The following SMYD3 variants were observed in gnomAD, a reference collection of about 807,000 sequenced individuals.
SMYD3 encodes the protein histone-lysine N-methyltransferase SMYD3.
SMYD3 carries 36 observed loss-of-function variants against 57.7 expected under a neutral mutation model. The observed-to-expected ratio is 0.62, with a 90% CI of 0.48 to 0.82. The LOEUF (loss-of-function observed/expected upper bound fraction) is 0.82, where lower values mean the gene tolerates loss of function less well. Among genes scored for constraint, SMYD3 ranks in the 40% least tolerant of loss-of-function variants. The pLI is 0.00. For missense variants in SMYD3, 515 were observed against 538.8 expected, an observed-to-expected ratio of 0.96 and a Z score of 0.44; for synonymous variants, 211 against 195.0, an observed-to-expected ratio of 1.08 and a Z score of -0.68.
At chr1:245,816,695 C>A (rs537676528) in intron 10 of SMYD3, among the ~76,000 whole-genome samples, 2 of 152,070 alleles carry the variant, frequency 1.3e-5, no homozygotes, top group Non-Finnish European at 2.9e-5. Context: ...GTGCGCGCAC[C>A]GTGCGCGAGC....
chr1:246,066,074 C>T lies in SMYD3; in HGVS notation c.532-136137G>A, dbSNP rs183960010. The stretch of plus-strand genomic sequence containing the variant: ...AAGAGAACATAGAAGAAGGACAGTA[C>T]ATGCAGAGTTTTAAAAACCTTAAGG... On this transcript the variant is annotated intron_variant, in intron 5 of 11. Transcript: ENST00000490107. 2.0e-5 allele frequency among the ~76,000 whole-genome samples: 3 copies of T among 152,290 alleles called. 1 individual carries two copies. The East Asian group carries it at 5.8e-4, about 29-fold the overall frequency.
At position 246,468,628 on chromosome 1, in the gene SMYD3, G is replaced by A. The variant is rs374997119; in HGVS notation, c.164+38426C>T. ...TGCACTCCAGCCTGGGTGACAGAGTGAGACTCTGTCTCCAAAAAAAGGAAA... is the reference window on the plus strand; with the variant it reads ...TGCACTCCAGCCTGGGTGACAGAGTAAGACTCTGTCTCCAAAAAAAGGAAA... On this transcript the variant is annotated intron_variant, in intron 1 of 11. Transcript: ENST00000490107. Among the ~76,000 whole-genome samples the A allele has an allele frequency of 4.6e-5, 7 of 151,832 alleles. 1 individual carries two copies. Among genetic ancestry groups the A allele is most frequent in the East Asian group, 1.9e-4 (1 of 5,172 alleles).
intron 9 of SMYD3, among the ~76,000 whole-genome samples, chr1:245,862,288 GCAGCC>G (rs1322402650): frequency 1.4e-5 from 2 of 143,640 alleles, no homozygotes. Context: ...CAATATTAAT[GCAGCC>G]CAAGATCACA....
At position 246,128,171 on chromosome 1, in the gene SMYD3, C is replaced by T. The variant is rs568255704; in HGVS notation, c.532-198234G>A. The stretch of plus-strand genomic sequence containing the variant: ...CACTGTTGAAATGTTGTCTTCTCCA[C>T]GAGGCCTAATGTGACTTTCTATGTA... On this transcript the variant is annotated intron_variant, in intron 5 of 11. Coordinates refer to ENST00000490107, the MANE Select transcript of SMYD3 (RefSeq NM_001167740.2). Among the ~76,000 whole-genome samples, 25 of 152,282 alleles carry T rather than the reference C, an allele frequency of 1.6e-4. No homozygotes were observed. In the South Asian group the frequency reaches 4.2e-3, roughly 25 times the overall value.
At chr1:246,065,502 T>C (rs923190415) in intron 5 of SMYD3, among the ~76,000 whole-genome samples, 5 of 152,220 alleles carry the variant, frequency 3.3e-5, no homozygotes, top group Non-Finnish European at 5.9e-5. Context: ...TTATCTGCCT[T>C]GTAATCCCAG....
intron 5 of SMYD3, among the ~76,000 whole-genome samples, chr1:245,968,934 T>C (rs2058224668): frequency 6.6e-6 from 1 of 152,198 alleles, no homozygotes; most frequent in African/African-American, 2.4e-5. Flanking sequence ...TTTCTCTTCC[T>C]ATCATTGATA....
chr1:245,985,822 T>C (rs945309221), intron 5 of SMYD3, among the ~76,000 whole-genome samples: 1 of 152,186 alleles, frequency 6.6e-6, no homozygotes, highest in Non-Finnish European at 1.5e-5. Context: ...CACCAACATG[T>C]TCTTTCCAAA....
At chr1:245,821,177 T>C (rs987554059) in intron 10 of SMYD3, among the ~76,000 whole-genome samples, 2 of 150,162 alleles carry the variant, frequency 1.3e-5, no homozygotes, top group Middle Eastern at 3.4e-3. Context: ...CAAAACAGCA[T>C]GGTACTGGTA....
At chr1:245,891,222 T>C (rs1390859704) in intron 8 of SMYD3, among the ~76,000 whole-genome samples, 2 of 152,184 alleles carry the variant, frequency 1.3e-5, no homozygotes, top group African/African-American at 2.4e-5. Flanking sequence ...AGAAATATAA[T>C]TGGAATATTT....
chr1:246,100,493 C>G (rs1482916428), intron 5 of SMYD3, among the ~76,000 whole-genome samples: 1 of 152,092 alleles, frequency 6.6e-6, no homozygotes, highest in Non-Finnish European at 1.5e-5. Context: ...TCACTTTTTC[C>G]ACAGATCTGC....
At chr1:246,499,110 G>GAC (rs1189239045) in intron 1 of SMYD3, among the ~76,000 whole-genome samples, 2 of 151,574 alleles carry the variant, frequency 1.3e-5, no homozygotes, top group Non-Finnish European at 2.9e-5. Context: ...ACTTTAGAGA[G>GAC]ACATGAAAAA....
chr1:245,762,140 C>G (rs2148045526), intron 11 of SMYD3, among the ~76,000 whole-genome samples: 1 of 152,248 alleles, frequency 6.6e-6, no homozygotes. Context: ...TTAAATTGAA[C>G]AAATACACCT....
chr1:246,109,191 G>T (rs1486806322), intron 5 of SMYD3, among the ~76,000 whole-genome samples: 1 of 151,992 alleles, frequency 6.6e-6, no homozygotes, highest in African/African-American at 2.4e-5. Flanking sequence ...ACTCTAAAAT[G>T]CAACTCTAAT....
At chr1:246,092,624 G>A (rs1028533110) in intron 5 of SMYD3, among the ~76,000 whole-genome samples, 4 of 152,072 alleles carry the variant, frequency 2.6e-5, no homozygotes, top group African/African-American at 9.7e-5. Context: ...AATGGATCAA[G>A]GACAAATGTA....
At chr1:246,278,225 G>C (rs184539451) in intron 5 of SMYD3, among the ~76,000 whole-genome samples, 604 of 147,174 alleles carry the variant, frequency 4.1e-3, no homozygotes, top group Non-Finnish European at 7.0e-3. Flanking sequence ...GTCCCTTTCC[G>C]TCTCCCCTCT....
At chr1:245,806,866 C>T (rs191767494) in intron 10 of SMYD3, among the ~76,000 whole-genome samples, 55 of 133,340 alleles carry the variant, frequency 4.1e-4, no homozygotes, top group Non-Finnish European at 6.3e-4. Context: ...GCCGAGATCG[C>T]GCCACTGCAG....
intron 5 of SMYD3, among the ~76,000 whole-genome samples, chr1:246,160,750 T>A (rs764985952): frequency 2.0e-4 from 31 of 152,156 alleles, no homozygotes; most frequent in Non-Finnish European, 4.4e-4. Flanking sequence ...TATAGCAAGC[T>A]CTCACATGGG....
At chr1:246,301,068 GT>G (rs1253273797) in intron 5 of SMYD3, among the ~76,000 whole-genome samples, 1 of 152,144 alleles carries the variant, frequency 6.6e-6, no homozygotes, top group African/African-American at 2.4e-5. Flanking sequence ...CCCTCTGACT[GT>G]GTGAAAAGTA....
chr1:245,796,927 C>T (rs557779051), intron 10 of SMYD3, among the ~76,000 whole-genome samples: 5 of 152,196 alleles, frequency 3.3e-5, no homozygotes, highest in South Asian at 2.1e-4. Flanking sequence ...CTGTCAAAAA[C>T]GAAAGGCCAT....
Sources: allele counts gnomAD v4.1 joint callset (sites outside exome capture counted in the v4.1 genomes callset), GRCh38; gene constraint gnomAD v4.1.1; transcripts MANE v1.5; gene names NCBI Gene and HGNC (gene_info 2026-07-23, HGNC 2026-07-21).